Variants in LONRF2 observed in about 807,000 individuals in gnomAD.
The protein encoded by LONRF2 is LON peptidase N-terminal domain and RING finger protein 2.
LONRF2 carries 35 observed loss-of-function variants against 66.6 expected under a neutral mutation model. That is an observed-to-expected ratio of 0.53 (90% CI 0.40 to 0.70). The LOEUF is 0.70. LONRF2 is among the 30% of genes least tolerant of loss of function. The pLI is 0.00. For synonymous variants in LONRF2, 417 were observed against 418.1 expected (o/e 1.00, Z 0.03); for missense variants, 902 against 1,002.1 (o/e 0.90, Z 1.35).
intron 1 of LONRF2, among the ~76,000 whole-genome samples, chr2:100,319,224 G>A (rs1675574594): frequency 6.6e-6 from 1 of 151,672 alleles, no homozygotes; most frequent in African/African-American, 2.4e-5. Context: ...CTTTAAAAGG[G>A]CTAATTTATT....
In LONRF2 at chr2:100,321,456, G is replaced by C. The variant is rs1675622064; in HGVS notation, c.638C>G (p.Pro213Arg). 4 of 1,497,880 alleles carry C rather than the reference G, an allele frequency of 2.7e-6. No individual in the cohort carries two copies. The highest frequency in any genetic ancestry group is 8.8e-7 in the Non-Finnish European group (1 of 1,134,668). The allele number at this position is 1,497,880 out of a possible 1,614,324, so 92.8% of individuals were successfully genotyped here. A position where few individuals can be genotyped will look rare whatever the true frequency, so the allele number is the denominator to read the frequency against. Residue 213 changes from proline (P) to arginine (R), a missense_variant, in exon 1 of 12, where the codon CCG becomes CGG. Pro to Arg is a moderately radical substitution (Grantham distance 103). This residue lies in a region of LONRF2 where 585 missense variants were observed against 569.9 expected (regional missense o/e 1.03). Transcript: ENST00000393437. ...QARSLQRQQQPEAALLRCDQA... is the reference protein window; with the variant it reads ...QARSLQRQQQREAALLRCDQA... ...GTCGCACCTGAGCAGCGCGGCCTCCGGCTGCTGCTGGCGCTGCAGGCTCCG... is the reference window on the plus strand; with the variant it reads ...GTCGCACCTGAGCAGCGCGGCCTCCCGCTGCTGCTGGCGCTGCAGGCTCCG...
intron 1 of LONRF2, among the ~76,000 whole-genome samples, chr2:100,320,027 A>C (rs1184411065): frequency 6.6e-6 from 1 of 152,216 alleles, no homozygotes; most frequent in Non-Finnish European, 1.5e-5. Flanking sequence ...TTGATGTTGG[A>C]ATTGGGTAGT....
rs549770544 is a variant in LONRF2 at position 100,277,448 on chromosome 2, G to A, written c.*6850C>T. On this transcript the variant is annotated 3_prime_UTR_variant, in exon 12 of 12. Coordinates refer to ENST00000393437, the MANE Select transcript of LONRF2 (RefSeq NM_198461.4). ...AACTACCGATGCCTCCTTAACACAGGACAGAGTCAAGCCTGGGCCCTCTGG... is the reference window on the plus strand; with the variant it reads ...AACTACCGATGCCTCCTTAACACAGAACAGAGTCAAGCCTGGGCCCTCTGG... 6.6e-6 allele frequency: 1 copy of A among 152,334 alleles called. No individual in the cohort carries two copies. The highest frequency in any genetic ancestry group is 1.9e-4 in the East Asian group (1 of 5,168). 9.4% of individuals were successfully genotyped at this position (152,334 alleles called of 1,614,324 possible).
chr2:100,287,495 C>T (rs1283104543), intron 10 of LONRF2, among the ~76,000 whole-genome samples: 1 of 152,178 alleles, frequency 6.6e-6, no homozygotes, highest in Admixed American at 6.5e-5. Flanking sequence ...ATGGTTTCCT[C>T]AGTGTAGTTT....
rs1486041083 is a variant in LONRF2, at chr2:100,284,258, A to G, written c.*40T>C. 6.9e-7 allele frequency: 1 copy of G among 1,449,528 alleles called. No homozygotes were observed. Among genetic ancestry groups the G allele is most frequent in the Admixed American group, 2.7e-5 (1 of 37,724 alleles). The allele number at this position is 1,449,528 out of a possible 1,614,324, so 89.8% of individuals were successfully genotyped here. On this transcript the variant is annotated 3_prime_UTR_variant, in exon 12 of 12. Transcript: ENST00000393437. ...TATTCGTCCATGCCTGACATTTATA[A>G]AAGCACAAGGGCTGCCAGAAACCTT... is the stretch of plus-strand genomic sequence containing the variant.
rs1458844058 is a variant in LONRF2, at chr2:100,300,629, G to T, written c.1065+15C>A. On this transcript the variant is annotated intron_variant, in intron 4 of 11. Coordinates refer to ENST00000393437, the MANE Select transcript of LONRF2 (RefSeq NM_198461.4). The stretch of plus-strand genomic sequence containing the variant: ...CTTAATCAAGAGAATCCTGACAAAT[G>T]CATGCACGTCATACCTCCGAGCTCC... The T allele has an allele frequency of 6.3e-7, 1 of 1,589,254 alleles. No homozygotes were observed. The highest frequency in any genetic ancestry group is 8.5e-7 in the Non-Finnish European group (1 of 1,172,836).
At chr2:100,314,366 G>C (rs1675464174) in intron 1 of LONRF2, among the ~76,000 whole-genome samples, 2 of 152,146 alleles carry the variant, frequency 1.3e-5, no homozygotes, top group South Asian at 4.1e-4. Context: ...TCTTTTAGAT[G>C]TTAATTGCTC....
At chr2:100,300,030 T>G in intron 4 of LONRF2, 112 bp from the exon 5 acceptor site, 2 of 498,428 alleles carry the variant, frequency 4.0e-6, no homozygotes, top group East Asian at 4.4e-5. Flanking sequence ...GGGGGGGGCA[T>G]ACACTCTTCT....
chr2:100,313,143 T>C (rs756802421), intron 1 of LONRF2, among the ~76,000 whole-genome samples: 1 of 152,232 alleles, frequency 6.6e-6, no homozygotes, highest in Non-Finnish European at 1.5e-5. Flanking sequence ...GGGTTACTGC[T>C]ATAAAATCTA....
intron 2 of LONRF2, among the ~76,000 whole-genome samples, chr2:100,308,654 G>C (rs1675344640): frequency 6.6e-6 from 1 of 152,130 alleles, no homozygotes; most frequent in Non-Finnish European, 1.5e-5. Context: ...ACAAAACACA[G>C]AGACTAAAAT....
intron 2 of LONRF2, among the ~76,000 whole-genome samples, chr2:100,306,324 A>C (rs1189890338): frequency 1.3e-5 from 2 of 152,218 alleles, no homozygotes; most frequent in Non-Finnish European, 2.9e-5. Context: ...GATTATCAAA[A>C]GTTCTGAGAA....
At chr2:100,302,670 T>C (rs1219292230) in intron 3 of LONRF2, among the ~76,000 whole-genome samples, 1 of 152,232 alleles carries the variant, frequency 6.6e-6, no homozygotes, top group Non-Finnish European at 1.5e-5. Flanking sequence ...TGTGTCTTTA[T>C]GTCAACAGAA....
chr2:100,295,308 A>G (rs1051199136), intron 8 of LONRF2, 124 bp downstream of exon 8: 1 of 793,034 alleles, frequency 1.3e-6, no homozygotes, highest in Non-Finnish European at 1.8e-6. Context: ...TTTTGCAATT[A>G]ACATCCTTTT....
chr2:100,288,446 C>T (rs575116323), intron 10 of LONRF2, among the ~76,000 whole-genome samples: 7 of 152,338 alleles, frequency 4.6e-5, no homozygotes, highest in African/African-American at 1.7e-4. Flanking sequence ...TACAATAATT[C>T]CAAGGATTTC....
In LONRF2 at chr2:100,301,718, G is replaced by A. The variant is rs375991898; in HGVS notation, c.922-931C>T. Among the ~76,000 whole-genome samples the A allele has an allele frequency of 5.9e-5, 9 of 152,324 alleles. No homozygotes were observed. In the East Asian group the frequency reaches 1.7e-3, roughly 29 times the overall value. On this transcript the variant is annotated intron_variant, in intron 3 of 11. Coordinates refer to ENST00000393437, the MANE Select transcript of LONRF2 (RefSeq NM_198461.4). ...GCTCCAGGTAGACAACAACCCAGAA[G>A]ACCTAAACCCTGGTCCAGGAACCTT...
At chr2:100,311,447 G>T (rs573115179) in intron 1 of LONRF2, among the ~76,000 whole-genome samples, 14 of 152,140 alleles carry the variant, frequency 9.2e-5, no homozygotes, top group African/African-American at 3.4e-4. Context: ...TGTGAGAATG[G>T]AGATCTCATA....
At chr2:100,293,104 G>A (rs983189297) in intron 9 of LONRF2, among the ~76,000 whole-genome samples, 2 of 152,024 alleles carry the variant, frequency 1.3e-5, no homozygotes, top group African/African-American at 2.4e-5. Context: ...TTTTCTACAC[G>A]GATTCTAAAA....
intron 11 of LONRF2, 102 bp from the exon 12 acceptor site, chr2:100,284,594 A>C: frequency 1.1e-6 from 1 of 937,982 alleles, no homozygotes. Flanking sequence ...GCAAGAATTA[A>C]ATGCCACCTT....
Position 100,281,849 on chromosome 2 carries a change from C to T in LONRF2, c.*2449G>A, listed in dbSNP as rs1674743426. The T allele has an allele frequency of 6.6e-6, 1 of 151,748 alleles. No individual in the cohort carries two copies. Among genetic ancestry groups the T allele is most frequent in the Non-Finnish European group, 1.5e-5 (1 of 67,988 alleles). 9.4% of individuals were successfully genotyped at this position (151,748 alleles called of 1,614,324 possible). A position where few individuals can be genotyped will look rare whatever the true frequency, so the allele number is the denominator to read the frequency against. On this transcript the variant is annotated 3_prime_UTR_variant, in exon 12 of 12. Coordinates refer to ENST00000393437, the MANE Select transcript of LONRF2 (RefSeq NM_198461.4). ...CAGGCGGAGGAGGAAGCAGACCGTT[C>T]TGCTTTAGCTTAATTGGTAGCAAAC...
Sources: gnomAD v4.1 joint callset for allele counts (sites outside exome capture counted in the v4.1 genomes callset) on GRCh38, gnomAD v4.1.1 for gene constraint, gnomAD v4.1.1 regional missense constraint, MANE v1.5 for transcripts, NCBI Gene and HGNC (gene_info 2026-07-23, HGNC 2026-07-21) for gene names.